The following GPC6 variants were observed in gnomAD, a reference collection of about 807,000 sequenced individuals.
GPC6 encodes the protein glypican-6.
A neutral mutation model predicts 55.2 loss-of-function variants in GPC6; 14 were observed. The ratio of observed to expected loss-of-function variants is 0.25; its 90% CI spans 0.17 to 0.40. The LOEUF (loss-of-function observed/expected upper bound fraction) is 0.40. Among genes scored for constraint, GPC6 ranks in the 10% least tolerant of loss-of-function variants. The probability of loss-of-function intolerance (pLI) is 1.00; values close to 1 mark genes in which losing one functional copy is unlikely to be tolerated. For synonymous variants in GPC6, 278 were observed against 259.6 expected (o/e 1.07, Z -0.68); for missense variants, 641 against 708.5 (o/e 0.90, Z 1.08).
intron 4 of GPC6, among the ~76,000 whole-genome samples, chr13:94,156,274 T>C (rs1227239824): frequency 6.6e-6 from 1 of 152,122 alleles, no homozygotes; most frequent in Non-Finnish European, 1.5e-5. Context: ...GTAGTCACAA[T>C]ATAAAGATAC....
chr13:93,692,320 GA>G (rs2138782252), intron 2 of GPC6, among the ~76,000 whole-genome samples: 1 of 152,054 alleles, frequency 6.6e-6, no homozygotes, highest in African/African-American at 2.4e-5. Context: ...TACAATATTT[GA>G]AACTATTTTA....
At chr13:94,329,579 A>G (rs1877303973) in intron 6 of GPC6, among the ~76,000 whole-genome samples, 1 of 152,226 alleles carries the variant, frequency 6.6e-6, no homozygotes, top group Non-Finnish European at 1.5e-5. Context: ...GACAGTGAGA[A>G]AATGCATCTG....
chr13:93,547,495 T>C (rs1874878566), intron 2 of GPC6, among the ~76,000 whole-genome samples: 1 of 152,190 alleles, frequency 6.6e-6, no homozygotes, highest in African/African-American at 2.4e-5. Context: ...CTCTCTCCAC[T>C]CTCTCACTTA....
intron 4 of GPC6, among the ~76,000 whole-genome samples, chr13:94,074,176 G>A (rs2138786832): frequency 6.6e-6 from 1 of 152,196 alleles, no homozygotes; most frequent in East Asian, 1.9e-4. Flanking sequence ...TAGCCTCCAT[G>A]CATTTTTTCA....
chr13:93,822,931 T>G (rs952098712), intron 2 of GPC6, among the ~76,000 whole-genome samples: 3 of 151,578 alleles, frequency 2.0e-5, no homozygotes, highest in East Asian at 3.9e-4. Context: ...TGGCACGACC[T>G]TGGCTGCCTG....
chr13:94,115,629 T>C (rs930435314), intron 4 of GPC6, among the ~76,000 whole-genome samples: 2 of 152,108 alleles, frequency 1.3e-5, no homozygotes, highest in Non-Finnish European at 2.9e-5. Flanking sequence ...TGTTTACGTG[T>C]ACACTGGTAG....
chr13:93,859,656 T>C (rs1217022724), intron 3 of GPC6, among the ~76,000 whole-genome samples: 2 of 151,100 alleles, frequency 1.3e-5, no homozygotes, highest in East Asian at 3.9e-4. Flanking sequence ...TACATATCTT[T>C]TTTGGGGAGA....
At chr13:93,708,100 C>A (rs912168071) in intron 2 of GPC6, among the ~76,000 whole-genome samples, 2 of 151,588 alleles carry the variant, frequency 1.3e-5, no homozygotes, top group Admixed American at 6.6e-5. Flanking sequence ...ACTCATTTAG[C>A]GGAAAACATT....
chr13:93,789,535 A>ATG, intron 2 of GPC6, among the ~76,000 whole-genome samples: 1 of 118,480 alleles, frequency 8.4e-6, no homozygotes, highest in Non-Finnish European at 1.8e-5. Flanking sequence ...ATATATATAT[A>ATG]GTCAGTTAAT....
chr13:93,755,801 TAG>T (rs1218034066), intron 2 of GPC6, among the ~76,000 whole-genome samples: 5 of 152,316 alleles, frequency 3.3e-5, no homozygotes, highest in South Asian at 4.1e-4. Context: ...TACATAAAAA[TAG>T]AGTCTATGAC....
rs2138995675 is a variant in GPC6, at chr13:93,227,602, A to G, written c.146A>G (p.Tyr49Cys). The change falls in exon 1 of 9, where the codon TAC becomes TGC. Residue 49 changes from tyrosine to cysteine, a missense_variant. Transcript: ENST00000377047. The surrounding 1 kb of genome is among the most constrained non-coding windows in gnomAD (Gnocchi z 4.3). ...GGATTCAGCCTGGCGGACATCCCCTACCAGGAGATCGCAGGTAAGCGCGGG... is the reference window on the plus strand; with the variant it reads ...GGATTCAGCCTGGCGGACATCCCCTGCCAGGAGATCGCAGGTAAGCGCGGG... ...AKGFSLADIP[Y>C]QEIAGEHLRI... The G allele has an allele frequency of 6.2e-7, 1 of 1,606,194 alleles. No individual in the cohort carries two copies.
intron 2 of GPC6, among the ~76,000 whole-genome samples, chr13:93,646,567 C>T (rs1880181903): frequency 1.3e-5 from 2 of 151,970 alleles, no homozygotes; most frequent in South Asian, 4.2e-4. Context: ...ATATGTCCCC[C>T]CAGCAATTTT....
At chr13:94,214,392 G>A (rs1890168727) in intron 4 of GPC6, among the ~76,000 whole-genome samples, 1 of 152,166 alleles carries the variant, frequency 6.6e-6, no homozygotes, top group African/African-American at 2.4e-5. Flanking sequence ...TCAGGCTTGG[G>A]TAGGTAGGGA....
At chr13:94,266,505 A>G (rs965486549) in intron 4 of GPC6, among the ~76,000 whole-genome samples, 7 of 151,868 alleles carry the variant, frequency 4.6e-5, no homozygotes, top group Non-Finnish European at 8.8e-5. Context: ...CTCCTTGTCT[A>G]ATAGTCCAAC....
rs564307867 is a variant in GPC6 at position 94,406,451 on chromosome 13, A to G, written c.*3234A>G. 37 of 152,264 alleles carry G rather than the reference A, an allele frequency of 2.4e-4. No individual in the cohort carries two copies. The Middle Eastern group carries it at 0.01, about 42-fold the overall frequency. 9.4% of individuals were successfully genotyped at this position (152,264 alleles called of 1,614,324 possible). On this transcript the variant is annotated 3_prime_UTR_variant, in exon 9 of 9. Coordinates refer to ENST00000377047, the MANE Select transcript of GPC6 (RefSeq NM_005708.5). ...CCATCGTAGAACATTAGCACTAGAA[A>G]TCTGTCTCCCTTACAATGACTTACC...
intron 2 of GPC6, among the ~76,000 whole-genome samples, chr13:93,778,814 T>C (rs1310045062): frequency 2.0e-5 from 3 of 152,180 alleles, no homozygotes; most frequent in Non-Finnish European, 2.9e-5. Context: ...TGGGAAAATA[T>C]GTGGGAATGT....
chr13:94,255,956 G>T (rs1045760815), intron 4 of GPC6, among the ~76,000 whole-genome samples: 2 of 152,044 alleles, frequency 1.3e-5, no homozygotes, highest in African/African-American at 4.8e-5. Flanking sequence ...GAATCTACAG[G>T]AAATGCAGAA....
At chr13:93,793,884 T>C (rs1886122044) in intron 2 of GPC6, among the ~76,000 whole-genome samples, 2 of 152,244 alleles carry the variant, frequency 1.3e-5, no homozygotes, top group South Asian at 4.1e-4. Context: ...TTGTCGTTTA[T>C]TCTCAGTTTA....
intron 6 of GPC6, among the ~76,000 whole-genome samples, chr13:94,380,384 T>C (rs575916037): frequency 5.9e-5 from 9 of 152,284 alleles, no homozygotes; most frequent in Admixed American, 2.0e-4. Context: ...AAGTGGACAC[T>C]ACGTAGAACA....
Sources: gnomAD v4.1 joint callset for allele counts (sites outside exome capture counted in the v4.1 genomes callset) on GRCh38, gnomAD v4.1.1 for gene constraint, Gnocchi (gnomAD v3.1) non-coding constraint, MANE v1.5 for transcripts, NCBI Gene and HGNC (gene_info 2026-07-23, HGNC 2026-07-21) for gene names.